Variants in FASTKD2 observed in about 807,000 individuals in gnomAD.
The protein encoded by FASTKD2 is FAST kinase domains 2.
Under a neutral mutation model 63.6 loss-of-function variants are expected in FASTKD2, and 51 were observed. That is an observed-to-expected ratio of 0.80 (90% CI 0.64 to 1.01). The LOEUF is 1.01. FASTKD2 is among the 50% of genes least tolerant of loss of function. The pLI, the probability that FASTKD2 is intolerant of heterozygous loss-of-function variation, is 0.00. For synonymous variants in FASTKD2, 284 were observed against 293.4 expected (o/e 0.97, Z 0.33); for missense variants, 786 against 831.1 (o/e 0.95, Z 0.67).
At chr2:206,786,686 T>C (rs1690145193) in intron 7 of FASTKD2, 47 bp from the exon 8 acceptor site, 2 of 1,515,500 alleles carry the variant, frequency 1.3e-6, no homozygotes, top group East Asian at 2.3e-5. Flanking sequence ...GTTACAGATA[T>C]TGGCCTTCTG....
Position 206,791,846 on chromosome 2 carries a change from AAATT to A in FASTKD2, c.*48_*51del, listed in dbSNP as rs765902303. 3.8e-6 allele frequency: 6 copies of A among 1,580,596 alleles called. No homozygotes were observed. The highest frequency in any genetic ancestry group is 2.0e-4 in the Middle Eastern group (1 of 4,942). Reference sequence around the variant, plus strand: ...CATATTAGGAGACATGCATTTGTAAAAATTAATAAAGATGACAAGTCAGTTGTCA... The same window carrying A: ...CATATTAGGAGACATGCATTTGTAAAAATAAAGATGACAAGTCAGTTGTCA... On this transcript the variant is annotated 3_prime_UTR_variant, in exon 12 of 12. Transcript: ENST00000402774.
intron 7 of FASTKD2, among the ~76,000 whole-genome samples, chr2:206,775,065 G>T (rs1689786623): frequency 6.6e-6 from 1 of 151,968 alleles, no homozygotes; most frequent in Non-Finnish European, 1.5e-5. Flanking sequence ...CCACATTGTA[G>T]CATGTGATGA....
chr2:206,768,742 G>A (rs1214064792), intron 2 of FASTKD2, among the ~76,000 whole-genome samples: 1 of 152,008 alleles, frequency 6.6e-6, no homozygotes, highest in East Asian at 1.9e-4. Flanking sequence ...AATTCCTTGG[G>A]GATAATCTGG....
intron 2 of FASTKD2, 143 bp downstream of exon 2, chr2:206,767,613 T>TA: frequency 1.4e-6 from 1 of 712,400 alleles, no homozygotes; most frequent in Non-Finnish European, 2.3e-6. Flanking sequence ...TGCATATATA[T>TA]TATATGATTT....
rs10181506 is a variant in FASTKD2 at position 206,791,036 on chromosome 2, G to A, written c.2013+350G>A. The A allele has an allele frequency of 4.0e-3, 1,194 of 296,534 alleles. 9 individuals are homozygous for A. The highest frequency in any genetic ancestry group is 0.018 in the African/African-American group (838 of 45,756). The allele number at this position is 296,534 out of a possible 1,614,324, so 18.4% of individuals were successfully genotyped here. A position where few individuals can be genotyped will look rare whatever the true frequency, so the allele number is the denominator to read the frequency against. On this transcript the variant is annotated intron_variant, in intron 11 of 11. Coordinates refer to ENST00000402774, the MANE Select transcript of FASTKD2 (RefSeq NM_001136193.2). ...GAACAAGGGAAGGAAAGATGTTAAA[G>A]CTTTGTTTTCATGGCCTGTGTGAAG...
chr2:206,780,272 G>A (rs770560743), intron 7 of FASTKD2, among the ~76,000 whole-genome samples: 6 of 152,084 alleles, frequency 3.9e-5, no homozygotes, highest in South Asian at 2.1e-4. Context: ...TGTCTTTAGC[G>A]TTTAGTTTAA....
At chr2:206,769,977 T>A (rs760478145) in intron 2 of FASTKD2, 114 bp from the exon 3 acceptor site, 35 of 735,126 alleles carry the variant, frequency 4.8e-5, no homozygotes, top group Non-Finnish European at 7.3e-5. Context: ...GTAGGAATTG[T>A]TGGTTTGATA....
At chr2:206,791,112 G>A in intron 11 of FASTKD2, 2 of 217,380 alleles carry the variant, frequency 9.2e-6, no homozygotes, top group South Asian at 1.4e-4. Context: ...TTAAGAAGAT[G>A]GGTCTTTCTC....
chr2:206,771,806 C>T lies in FASTKD2; in HGVS notation c.991-88C>T, dbSNP rs554844533. Reference sequence around the variant, plus strand: ...GAGGTTGAGGCTCCAACCTGGGTGACAGCACAAGACCCTGTCTCAATAAAA... The same window carrying T: ...GAGGTTGAGGCTCCAACCTGGGTGATAGCACAAGACCCTGTCTCAATAAAA... On this transcript the variant is annotated intron_variant, in intron 4 of 11. Transcript: ENST00000402774. 9.2e-6 allele frequency: 10 copies of T among 1,088,638 alleles called. No homozygotes were observed. In the African/African-American group the frequency reaches 1.3e-4, roughly 14 times the overall value. 67.4% of individuals were successfully genotyped at this position (1,088,638 alleles called of 1,614,324 possible).
In FASTKD2 at chr2:206,770,185, C is replaced by T. The variant is rs138500508; in HGVS notation, c.872C>T (p.Thr291Met). The change falls in exon 3 of 12, where the codon ACG becomes ATG. Residue 291 changes from threonine (T) to methionine (M), a missense_variant. Physicochemically the swap from Thr to Met is moderately conservative, Grantham distance 81 (BLOSUM62 -1). Coordinates refer to ENST00000402774, the MANE Select transcript of FASTKD2 (RefSeq NM_001136193.2). ...EPCKNVHVLR[T>M]GFRILVDQQV... ...TGCAAGAATGTTCATGTTCTACGAA[C>T]GGGATTCAGGTGAGAACTCTCTTAT... 288 of 1,596,686 alleles carry T rather than the reference C, an allele frequency of 1.8e-4. 1 individual carries two copies. The highest frequency in any genetic ancestry group is 2.2e-4 in the Non-Finnish European group (261 of 1,164,328).
In FASTKD2 at chr2:206,792,359, A is replaced by G. The variant is rs7559712; in HGVS notation, c.*557A>G. The G allele has an allele frequency of 0.03, 4,729 of 157,096 alleles. 248 individuals carry two copies. The highest frequency in any genetic ancestry group is 0.1 in the African/African-American group (4,306 of 41,552). 9.7% of individuals were successfully genotyped at this position (157,096 alleles called of 1,614,324 possible). On this transcript the variant is annotated 3_prime_UTR_variant, in exon 12 of 12. Transcript: ENST00000402774. Reference sequence around the variant, plus strand: ...TGCAGGTAGAGATATTTCATGGGTTATAATAAGAGAAACACAGATGAGATG... The same window carrying G: ...TGCAGGTAGAGATATTTCATGGGTTGTAATAAGAGAAACACAGATGAGATG...
chr2:206,782,847 A>C (rs2105982437), intron 7 of FASTKD2, among the ~76,000 whole-genome samples: 1 of 152,276 alleles, frequency 6.6e-6, no homozygotes, highest in East Asian at 1.9e-4. Context: ...AATCTATGTC[A>C]AGTTCTTATG....
chr2:206,791,533 T>C, intron 11 of FASTKD2, 150 bp from the exon 12 acceptor site: 3 of 697,642 alleles, frequency 4.3e-6, no homozygotes, highest in Non-Finnish European at 7.6e-6. Context: ...TGTAGTCTTA[T>C]TATGCCTTTA....
At chr2:206,768,261 G>A (rs950412174) in intron 2 of FASTKD2, among the ~76,000 whole-genome samples, 1 of 152,126 alleles carries the variant, frequency 6.6e-6, no homozygotes, top group Non-Finnish European at 1.5e-5. Flanking sequence ...TTGGATGGAG[G>A]GAGCCATTTT....
At chr2:206,788,700 C>T in intron 9 of FASTKD2, 119 bp from the exon 10 acceptor site, 1 of 648,194 alleles carries the variant, frequency 1.5e-6, no homozygotes. Context: ...CTACTGCACT[C>T]CAGCCTGGAT....
At chr2:206,775,393 T>A (rs544064647) in intron 7 of FASTKD2, among the ~76,000 whole-genome samples, 1 of 152,006 alleles carries the variant, frequency 6.6e-6, no homozygotes, top group Non-Finnish European at 1.5e-5. Flanking sequence ...TCTGTTGATA[T>A]GATGTATCAT....
rs761171202 is a variant in FASTKD2 at position 206,774,290 on chromosome 2, T to C, written c.1320T>C (p.Phe440=). Residue 440 remains phenylalanine (F), a synonymous_variant, in exon 7 of 12, where the codon TTT becomes TTC. Coordinates refer to ENST00000402774, the MANE Select transcript of FASTKD2 (RefSeq NM_001136193.2). The part of the protein sequence containing the change: ...GFRPVGLMDL[F]MKRIVEDPES... ...GACCTGTTGGTTTAATGGACCTGTT[T>C]ATGAAGAGAATAGTAGAGGATCCTG... The C allele has an allele frequency of 5.6e-6, 9 of 1,610,036 alleles. No individual in the cohort carries two copies. The highest frequency in any genetic ancestry group is 7.6e-6 in the Non-Finnish European group (9 of 1,176,706).
At chr2:206,768,513 C>T (rs998811598) in intron 2 of FASTKD2, among the ~76,000 whole-genome samples, 7 of 152,116 alleles carry the variant, frequency 4.6e-5, no homozygotes, top group Non-Finnish European at 1.0e-4. Context: ...CCAGCCTGGG[C>T]AACAAAGGGA....
At chr2:206,772,803 G>A (rs1341053246) in intron 6 of FASTKD2, among the ~76,000 whole-genome samples, 1 of 152,164 alleles carries the variant, frequency 6.6e-6, no homozygotes, top group Non-Finnish European at 1.5e-5. Flanking sequence ...AACTATAGGT[G>A]AATGTAAGTG....
Sources: allele counts gnomAD v4.1 joint callset (sites outside exome capture counted in the v4.1 genomes callset), GRCh38; gene constraint gnomAD v4.1.1; transcripts MANE v1.5; gene names NCBI Gene and HGNC (gene_info 2026-07-23, HGNC 2026-07-21).